The following ABLIM3 variants were observed in gnomAD, a reference collection of about 807,000 sequenced individuals.
ABLIM3 encodes the protein actin-binding LIM protein 3.
In ABLIM3, 61 loss-of-function variants were observed where a neutral mutation model predicts 109.5. The ratio of observed to expected loss-of-function variants is 0.56; its 90% CI spans 0.45 to 0.69. ABLIM3 has a LOEUF of 0.69. Ranked by LOEUF, ABLIM3 falls within the 30% of genes least tolerant of loss-of-function variation. ABLIM3 has a pLI of 0.00. For synonymous variants in ABLIM3, 300 were observed against 324.8 expected (o/e 0.92, Z 0.82); for missense variants, 796 against 889.5 (o/e 0.89, Z 1.34).
In ABLIM3 at chr5:149,256,323, C is replaced by T. The variant is rs76411362; in HGVS notation, c.1939-1968C>T. Among the ~76,000 whole-genome samples, 509 of 152,312 alleles carry T rather than the reference C, an allele frequency of 3.3e-3. 3 individuals carry two copies. Among genetic ancestry groups the T allele is most frequent in the African/African-American group, 0.011 (459 of 41,574 alleles). ...ACCACCCTCCAACAACAATAACAAA[C>T]GATTCCAAAGTGCAGTTTCCCTCTG... On this transcript the variant is annotated intron_variant, in intron 23 of 23. Coordinates refer to ENST00000309868, the MANE Select transcript of ABLIM3 (RefSeq NM_014945.5).
chr5:149,217,733 C>T (rs569710026), intron 8 of ABLIM3: 1 of 152,478 alleles, frequency 6.6e-6, no homozygotes, highest in South Asian at 2.1e-4. Flanking sequence ...TATTTAGCTA[C>T]AAACACTTCA....
In ABLIM3 at chr5:149,203,038, C is replaced by A. The variant is rs963546236; in HGVS notation, c.448+2610C>A. 2.6e-5 allele frequency among the ~76,000 whole-genome samples: 4 copies of A among 152,018 alleles called. No homozygotes were observed. In the East Asian group the frequency reaches 7.7e-4, roughly 29 times the overall value. On this transcript the variant is annotated intron_variant, in intron 5 of 23. Transcript: ENST00000309868. ...AACATCACCAGCATTGCCATCACAC[C>A]ACCACCATAACCATCATCATCACTA...
chr5:149,149,172 G>A (rs895587576), intron 2 of ABLIM3, among the ~76,000 whole-genome samples: 15 of 152,158 alleles, frequency 9.9e-5, no homozygotes, highest in Admixed American at 9.2e-4. Context: ...ATGGATTCTC[G>A]AGTTCAAACT....
At chr5:149,245,109 T>C (rs1258563298) in intron 16 of ABLIM3, 94 bp downstream of exon 16, 1 of 1,513,426 alleles carries the variant, frequency 6.6e-7, no homozygotes, top group Non-Finnish European at 9.0e-7. Context: ...TATACAATCA[T>C]TCTGAATAAG....
In ABLIM3 at chr5:149,158,325, G is replaced by A. The variant is rs993070557; in HGVS notation, c.13+16217G>A. ...ATCCATGTGTGCTCCTAATTCAAAT[G>A]CATAATGCCTGTCAAATGAATGTGT... On this transcript the variant is annotated intron_variant, in intron 2 of 23. Transcript: ENST00000309868. 1.4e-4 allele frequency among the ~76,000 whole-genome samples: 22 copies of A among 152,126 alleles called. 1 individual carries two copies. The highest frequency in any genetic ancestry group is 1.1e-3 in the Admixed American group (17 of 15,274).
At chr5:149,256,744 G>GTC (rs1754458552) in intron 23 of ABLIM3, among the ~76,000 whole-genome samples, 1 of 152,178 alleles carries the variant, frequency 6.6e-6, no homozygotes, top group Non-Finnish European at 1.5e-5. Flanking sequence ...AATAAAATAG[G>GTC]TAAATGAAGC....
At chr5:149,200,248 CAT>C (rs1301063071) in intron 4 of ABLIM3, 66 bp from the exon 5 acceptor site, 16 of 1,373,738 alleles carry the variant, frequency 1.2e-5, no homozygotes, top group Non-Finnish European at 1.7e-5. Context: ...GCTTTGAGCA[CAT>C]GTGTGGTCAG....
In ABLIM3 at chr5:149,249,841, A is replaced by C; in HGVS notation, c.1726A>C (p.Ser576Arg). 6.2e-7 allele frequency: 1 copy of C among 1,614,158 alleles called. No individual in the cohort carries two copies. Among genetic ancestry groups the C allele is most frequent in the East Asian group, 2.2e-5 (1 of 44,882 alleles). The stretch of plus-strand genomic sequence containing the variant: ...CCCTCGGTCGCACTACCTGGCTGAC[A>C]GTGGTAAGTTCTACCTGCCCTACCT... ...GSPRSHYLADSDPLISKSASL... is the reference protein window; with the variant it reads ...GSPRSHYLADRDPLISKSASL... The change falls in exon 19 of 24, where the codon AGT becomes CGT. Residue 576 changes from serine to arginine, a missense_variant. Transcript: ENST00000309868.
At chr5:149,217,898 C>T (rs1335864044) in intron 8 of ABLIM3, 4 of 152,164 alleles carry the variant, frequency 2.6e-5, no homozygotes, top group Middle Eastern at 3.1e-3. Context: ...GTGCCAGCGT[C>T]CATGGTGAGG....
intron 2 of ABLIM3, among the ~76,000 whole-genome samples, chr5:149,143,608 A>G (rs1379134321): frequency 6.6e-6 from 1 of 150,842 alleles, no homozygotes; most frequent in African/African-American, 2.4e-5. Flanking sequence ...ACGTATTTGT[A>G]TGATTCATCT....
At chr5:149,161,439 A>G (rs889203537) in intron 2 of ABLIM3, among the ~76,000 whole-genome samples, 2 of 152,114 alleles carry the variant, frequency 1.3e-5, no homozygotes, top group South Asian at 2.1e-4. Flanking sequence ...TATTCTTTTC[A>G]GCAGATAATG....
chr5:149,202,546 C>T (rs1317279511), intron 5 of ABLIM3, among the ~76,000 whole-genome samples: 2 of 152,090 alleles, frequency 1.3e-5, no homozygotes, highest in Non-Finnish European at 2.9e-5. Flanking sequence ...CCATGGGATA[C>T]AGGAAACCAA....
chr5:149,216,812 G>C, intron 7 of ABLIM3, 147 bp from the exon 8 acceptor site: 3 of 656,188 alleles, frequency 4.6e-6, no homozygotes, highest in Non-Finnish European at 8.1e-6. Context: ...TTAGATGGTT[G>C]TGGACTCCCT....
chr5:149,153,564 A>G (rs1753624194), intron 2 of ABLIM3, among the ~76,000 whole-genome samples: 1 of 152,236 alleles, frequency 6.6e-6, no homozygotes, highest in Non-Finnish European at 1.5e-5. Flanking sequence ...CCCACTCTGC[A>G]GACCCTGATC....
chr5:149,147,531 A>G (rs1277427932), intron 2 of ABLIM3, among the ~76,000 whole-genome samples: 4 of 151,950 alleles, frequency 2.6e-5, no homozygotes, highest in African/African-American at 9.7e-5. Flanking sequence ...TTCTTTTTTC[A>G]TTTTGTGTAA....
At chr5:149,245,611 AT>A (rs1394916926) in intron 16 of ABLIM3, among the ~76,000 whole-genome samples, 1 of 152,106 alleles carries the variant, frequency 6.6e-6, no homozygotes, top group Non-Finnish European at 1.5e-5. Flanking sequence ...GCATGATCAC[AT>A]TTGTGCTTTT....
chr5:149,206,899 A>C, intron 5 of ABLIM3, 109 bp from the exon 6 acceptor site: 1 of 1,460,462 alleles, frequency 6.8e-7, no homozygotes. Context: ...GGTGGGAGCA[A>C]CTATGGGAAC....
chr5:149,239,206 T>A, intron 11 of ABLIM3, 42 bp from the exon 12 acceptor site: 1 of 1,609,510 alleles, frequency 6.2e-7, no homozygotes, highest in Non-Finnish European at 8.5e-7. Context: ...TCTCATTCCT[T>A]CTGCTCGTTC....
In ABLIM3 at chr5:149,237,609, GCATCTTGCC is replaced by G; in HGVS notation, c.1044+8_1044+16del. On this transcript the variant is annotated splice_region_variant and intron_variant, in intron 11 of 23. Coordinates refer to ENST00000309868, the MANE Select transcript of ABLIM3 (RefSeq NM_014945.5). ...AGAGATGTGGCTATGGAGAGGTATCGCATCTTGCCCTTCTCTCTGGGGCTATTGTAGGAA... is the reference window on the plus strand; with the variant it reads ...AGAGATGTGGCTATGGAGAGGTATCGCTTCTCTCTGGGGCTATTGTAGGAA... The G allele has an allele frequency of 6.2e-7, 1 of 1,613,898 alleles. No homozygotes were observed. The highest frequency in any genetic ancestry group is 1.1e-5 in the South Asian group (1 of 91,036).
Sources: gnomAD v4.1 joint callset for allele counts (sites outside exome capture counted in the v4.1 genomes callset) on GRCh38, gnomAD v4.1.1 for gene constraint, MANE v1.5 for transcripts, NCBI Gene and HGNC (gene_info 2026-07-23, HGNC 2026-07-21) for gene names.